The following GTF2A1L variants were observed in gnomAD, a reference collection of about 807,000 sequenced individuals.
GTF2A1L encodes TFIIA-alpha and beta-like factor.
In GTF2A1L, 48 loss-of-function variants were observed where a neutral mutation model predicts 49.7. That is an observed-to-expected ratio of 0.97 (90% CI 0.77 to 1.23). GTF2A1L has a LOEUF of 1.23. GTF2A1L is among the 50% of genes most tolerant of loss of function. The pLI is 0.00. For synonymous variants in GTF2A1L, 246 were observed against 193.5 expected, an observed-to-expected ratio of 1.27 and a Z score of -2.25; for missense variants, 736 against 564.8, an observed-to-expected ratio of 1.30 and a Z score of -3.07.
chr2:48,618,176 A>T, intron 1 of GTF2A1L: 1 of 428,048 alleles, frequency 2.3e-6, no homozygotes, highest in Non-Finnish European at 4.1e-6. Context: ...TAGAGGTGGA[A>T]CTGATCCTCA....
At chr2:48,634,393 G>A (rs1253303652) in intron 3 of GTF2A1L, among the ~76,000 whole-genome samples, 1 of 152,220 alleles carries the variant, frequency 6.6e-6, no homozygotes, top group African/African-American at 2.4e-5. Flanking sequence ...TTACAGGCAT[G>A]AGCCACTGTG....
intron 6 of GTF2A1L, among the ~76,000 whole-genome samples, chr2:48,648,847 T>C (rs911481666): frequency 6.6e-6 from 1 of 152,140 alleles, no homozygotes. Flanking sequence ...ATATGTAAAA[T>C]GCTTATTTAT....
chr2:48,677,804 C>T (rs1679554949), intron 8 of GTF2A1L, among the ~76,000 whole-genome samples: 1 of 151,918 alleles, frequency 6.6e-6, no homozygotes, highest in East Asian at 1.9e-4. Context: ...GTAGGTAGAA[C>T]TAACACTTAC....
chr2:48,656,852 C>G (rs906531814), intron 6 of GTF2A1L, among the ~76,000 whole-genome samples: 2 of 151,978 alleles, frequency 1.3e-5, no homozygotes, highest in Admixed American at 1.3e-4. Flanking sequence ...CTCTTTGATC[C>G]ATTTTGAGTT....
At position 48,671,552 on chromosome 2, in the gene GTF2A1L, AT is replaced by A. The variant is rs768489394; in HGVS notation, c.1240-38del. 4 of 1,588,534 alleles carry A rather than the reference AT, an allele frequency of 2.5e-6. No homozygotes were observed. In the Admixed American group the frequency reaches 7.1e-5, roughly 28 times the overall value. Reference sequence around the variant, plus strand: ...TCTTTATCTTTAAACAATTTAAAGCATCATAAAATTCCTTAATGTGATCATC... The same window carrying A: ...TCTTTATCTTTAAACAATTTAAAGCACATAAAATTCCTTAATGTGATCATC... On this transcript the variant is annotated intron_variant, in intron 7 of 8. Coordinates refer to ENST00000403751, the MANE Select transcript of GTF2A1L (RefSeq NM_006872.5).
At chr2:48,657,867 A>G (rs1378601781) in intron 6 of GTF2A1L, among the ~76,000 whole-genome samples, 1 of 151,774 alleles carries the variant, frequency 6.6e-6, no homozygotes, top group African/African-American at 2.4e-5. Flanking sequence ...GATGTGGAAC[A>G]TTTTTTCATA....
At chr2:48,659,522 T>C (rs947093100) in intron 6 of GTF2A1L, among the ~76,000 whole-genome samples, 1 of 152,102 alleles carries the variant, frequency 6.6e-6, no homozygotes, top group Admixed American at 6.6e-5. Context: ...CTTGTTGGGT[T>C]TTTGATAGAG....
chr2:48,671,740 G>A (rs1679182006), intron 8 of GTF2A1L, 60 bp downstream of exon 8: 9 of 1,432,282 alleles, frequency 6.3e-6, no homozygotes, highest in Non-Finnish European at 8.7e-6. Context: ...AGAAAGGTAT[G>A]TAAAATGATG....
intron 3 of GTF2A1L, among the ~76,000 whole-genome samples, chr2:48,624,104 T>C (rs1350266613): frequency 3.8e-5 from 4 of 104,790 alleles, no homozygotes; most frequent in Non-Finnish European, 9.6e-5. Flanking sequence ...TTTATTTGTG[T>C]AGTAATTTCC....
intron 3 of GTF2A1L, chr2:48,633,057 G>T: frequency 8.0e-6 from 2 of 251,402 alleles, no homozygotes; most frequent in South Asian, 5.6e-5. Context: ...CTTCATGTTG[G>T]CCTTTGATTG....
intron 8 of GTF2A1L, 104 bp from the exon 9 acceptor site, chr2:48,679,231 A>G: frequency 1.4e-6 from 2 of 1,424,242 alleles, no homozygotes; most frequent in South Asian, 1.5e-5. Context: ...ATTTTAAGGC[A>G]CTCACATTTC....
In GTF2A1L at chr2:48,679,341, C is replaced by T. The variant is rs149170844; in HGVS notation, c.1336C>T (p.Arg446Ter). The change falls in exon 9 of 9, where the codon CGA becomes TGA. Residue 446 changes from arginine (R) to a stop codon, truncating the protein, a stop_gained. Coordinates refer to ENST00000403751, the MANE Select transcript of GTF2A1L (RefSeq NM_006872.5). LOFTEE classifies it high-confidence loss of function. ...VIVCQYDKIH[R>*]SKNKWKFYLK... ...ACTACTTTTCTCCCTCCAGATTCAT[C>T]GAAGCAAGAACAAATGGAAATTCTA... 51 of 1,607,860 alleles carry T rather than the reference C, an allele frequency of 3.2e-5. No homozygotes were observed. The African/African-American group carries it at 5.8e-4, about 18-fold the overall frequency.
chr2:48,624,299 T>C lies in GTF2A1L; in HGVS notation c.247+3009T>C, dbSNP rs930213177. Among the ~76,000 whole-genome samples, 2 of 144,680 alleles carry C rather than the reference T, an allele frequency of 1.4e-5. 1 individual carries two copies. Among genetic ancestry groups the C allele is most frequent in the African/African-American group, 4.9e-5 (2 of 40,684 alleles). The allele number at this position is 144,680 out of a possible 152,430, so 94.9% of individuals were successfully genotyped here. On this transcript the variant is annotated intron_variant, in intron 3 of 8. Transcript: ENST00000403751. ...AATTACATGTTAACATAATAGCATA[T>C]ATTTATGAGTAATAATTCTTCGAGA... is the stretch of plus-strand genomic sequence containing the variant.
intron 6 of GTF2A1L, among the ~76,000 whole-genome samples, chr2:48,667,773 T>G (rs946412434): frequency 1.3e-5 from 2 of 152,178 alleles, no homozygotes; most frequent in Non-Finnish European, 2.9e-5. Context: ...ATTGGTAATA[T>G]TCATATGGGT....
intron 3 of GTF2A1L, 73 bp downstream of exon 3, chr2:48,621,363 T>C (rs761533305): frequency 9.9e-5 from 159 of 1,603,550 alleles, no homozygotes; most frequent in Non-Finnish European, 1.3e-4. Flanking sequence ...GTTTTTCAGT[T>C]AGACAGGGTA....
intron 3 of GTF2A1L, among the ~76,000 whole-genome samples, chr2:48,622,188 T>C (rs901568618): frequency 6.6e-6 from 1 of 152,230 alleles, no homozygotes; most frequent in Non-Finnish European, 1.5e-5. Flanking sequence ...TGCTTGTACT[T>C]CTTCTATTAC....
chr2:48,644,696 C>A (rs1305258178), intron 4 of GTF2A1L, among the ~76,000 whole-genome samples: 3 of 152,152 alleles, frequency 2.0e-5, no homozygotes, highest in African/African-American at 7.2e-5. Context: ...CTCAACAACA[C>A]TGGATGTTAT....
chr2:48,634,432 C>T (rs1022078921), intron 3 of GTF2A1L, among the ~76,000 whole-genome samples: 1 of 152,090 alleles, frequency 6.6e-6, no homozygotes, highest in Non-Finnish European at 1.5e-5. Flanking sequence ...GGTTTTGATC[C>T]TATCATGAAA....
chr2:48,639,445 G>C (rs1253489756), intron 3 of GTF2A1L, among the ~76,000 whole-genome samples: 1 of 152,128 alleles, frequency 6.6e-6, no homozygotes. Context: ...GTAAGCAATG[G>C]TGAAAGCACT....
Sources: allele counts gnomAD v4.1 joint callset (sites outside exome capture counted in the v4.1 genomes callset), GRCh38; gene constraint gnomAD v4.1.1; transcripts MANE v1.5; gene names NCBI Gene and HGNC (gene_info 2026-07-23, HGNC 2026-07-21).